UBE3D: variants seen among roughly 807,000 people sequenced by gnomAD.
UBE3D encodes the protein E3 ubiquitin-protein ligase E3D.
In UBE3D, 48 loss-of-function variants were observed where a neutral mutation model predicts 49.6. The ratio of observed to expected loss-of-function variants is 0.97; its 90% CI spans 0.77 to 1.23. The LOEUF is 1.23. Among genes scored for constraint, UBE3D ranks in the 50% most tolerant of loss-of-function variants. The probability of loss-of-function intolerance (pLI) is 0.00; values close to 1 mark genes in which losing one functional copy is unlikely to be tolerated. For missense variants in UBE3D, 452 were observed against 468.4 expected, an observed-to-expected ratio of 0.96 and a Z score of 0.32; for synonymous variants, 189 against 174.2, an observed-to-expected ratio of 1.08 and a Z score of -0.67.
At chr6:83,042,338 C>G (rs4612135) in intron 4 of UBE3D, among the ~76,000 whole-genome samples, 151,918 of 152,346 alleles carry the variant, frequency 1, 75,746 homozygotes, top group Middle Eastern at 1. Context: ...AATAACAAAG[C>G]CTCCAATAAA....
chr6:82,997,776 G>T (rs1019158106), intron 8 of UBE3D, among the ~76,000 whole-genome samples: 1 of 152,072 alleles, frequency 6.6e-6, no homozygotes, highest in African/African-American at 2.4e-5. Flanking sequence ...ACTTCCAGGG[G>T]CATATATAAA....
At chr6:82,888,240 T>C (rs1468822800), downstream of UBE3D, among the ~76,000 whole-genome samples, 1 of 151,534 alleles carries the variant, frequency 6.6e-6, no homozygotes, top group African/African-American at 2.4e-5. Context: ...AACCTCCATA[T>C]AGGCAATCTA....
In UBE3D at chr6:82,914,932, G is replaced by A. The variant is rs373684849; in HGVS notation, c.1150-21890C>T. Among the ~76,000 whole-genome samples, 12 of 152,066 alleles carry A rather than the reference G, an allele frequency of 7.9e-5. No homozygotes were observed. The East Asian group carries it at 1.9e-3, about 25-fold the overall frequency. On this transcript the variant is annotated intron_variant, in intron 9 of 9. Transcript: ENST00000369747. ...TGGAAATTACTTTTTCCATTTCCCT[G>A]GCTTCTCACAGGATGATCTTCATCC... is the stretch of plus-strand genomic sequence containing the variant.
At chr6:82,904,092 G>A (rs1301636687) in intron 9 of UBE3D, among the ~76,000 whole-genome samples, 1 of 152,122 alleles carries the variant, frequency 6.6e-6, no homozygotes, top group Non-Finnish European at 1.5e-5. Context: ...GGTGCAGAAA[G>A]GTGAATTCTA....
intron 1 of UBE3D, among the ~76,000 whole-genome samples, chr6:83,060,462 G>A (rs562711553): frequency 1.1e-3 from 160 of 152,268 alleles, no homozygotes; most frequent in African/African-American, 3.6e-3. Context: ...TAATATTGAT[G>A]GTTGTAAATG....
At chr6:82,980,675 T>A (rs1778053939) in intron 8 of UBE3D, among the ~76,000 whole-genome samples, 1 of 152,136 alleles carries the variant, frequency 6.6e-6, no homozygotes, top group Non-Finnish European at 1.5e-5. Context: ...GACTTTTTCC[T>A]AAGTTTTCTT....
At chr6:82,967,651 T>C (rs1777048005) in intron 8 of UBE3D, among the ~76,000 whole-genome samples, 1 of 152,158 alleles carries the variant, frequency 6.6e-6, no homozygotes, top group Non-Finnish European at 1.5e-5. Context: ...TTTTTTTCTT[T>C]TTTAAAAAGA....
intron 8 of UBE3D, among the ~76,000 whole-genome samples, chr6:82,967,782 GA>G (rs1777056153): frequency 6.6e-6 from 1 of 151,576 alleles, no homozygotes; most frequent in African/African-American, 2.4e-5. Context: ...GCTGATTCTA[GA>G]GGTGTGCACT....
intron 2 of UBE3D, 133 bp downstream of exon 2, chr6:83,057,693 T>G (rs866363489): frequency 3.7e-6 from 3 of 800,294 alleles, no homozygotes; most frequent in Middle Eastern, 5.1e-4. Flanking sequence ...AGCCAATAAC[T>G]GGCAGAGCTG....
chr6:82,985,158 T>C (rs2127724014), intron 8 of UBE3D, among the ~76,000 whole-genome samples: 1 of 151,808 alleles, frequency 6.6e-6, no homozygotes, highest in East Asian at 1.9e-4. Context: ...GGCCTCGTAG[T>C]TATTCCTTAT....
chr6:83,008,194 G>A (rs758486325), intron 8 of UBE3D, among the ~76,000 whole-genome samples: 1 of 152,040 alleles, frequency 6.6e-6, no homozygotes, highest in African/African-American at 2.4e-5. Context: ...TTTACTAGAC[G>A]CCAGTAGTTC....
chr6:82,889,037 T>G (rs1770936153), downstream of UBE3D, among the ~76,000 whole-genome samples: 2 of 152,212 alleles, frequency 1.3e-5, no homozygotes, highest in African/African-American at 4.8e-5. Flanking sequence ...GAGAAATGGT[T>G]ACATTAAATC....
intron 9 of UBE3D, among the ~76,000 whole-genome samples, chr6:82,918,396 T>C (rs1773087020): frequency 6.6e-6 from 1 of 152,116 alleles, no homozygotes; most frequent in South Asian, 2.1e-4. Context: ...TGACTTATTA[T>C]AAAGGTACAA....
At chr6:83,044,367 T>C in intron 4 of UBE3D, 61 bp downstream of exon 4, 6 of 1,510,614 alleles carry the variant, frequency 4.0e-6, no homozygotes, top group Non-Finnish European at 5.5e-6. Flanking sequence ...AGGAAAAGAT[T>C]GAAGAAGTCA....
intron 3 of UBE3D, among the ~76,000 whole-genome samples, chr6:83,049,304 C>G (rs1465952167): frequency 6.8e-6 from 1 of 146,214 alleles, no homozygotes; most frequent in African/African-American, 2.5e-5. Flanking sequence ...TTAGTAACAT[C>G]AACTATCTAA....
In UBE3D at chr6:82,969,004, T is replaced by C. The variant is rs184358583; in HGVS notation, c.1011-11554A>G. 1.3e-4 allele frequency among the ~76,000 whole-genome samples: 20 copies of C among 152,286 alleles called. No homozygotes were observed. The East Asian group carries it at 2.5e-3, about 19-fold the overall frequency. ...AAATCAAATTATAAATGGCAAAACA[T>C]ACAATTATCGCAATTGAAATCAGGA... On this transcript the variant is annotated intron_variant, in intron 8 of 9. Coordinates refer to ENST00000369747, the MANE Select transcript of UBE3D (RefSeq NM_198920.3).
At chr6:82,952,212 T>C (rs1228190176) in intron 9 of UBE3D, among the ~76,000 whole-genome samples, 1 of 152,074 alleles carries the variant, frequency 6.6e-6, no homozygotes, top group African/African-American at 2.4e-5. Context: ...TACTTCATGT[T>C]CCTCTACTTA....
At chr6:82,992,178 T>C (rs534018554) in intron 8 of UBE3D, among the ~76,000 whole-genome samples, 76 of 151,882 alleles carry the variant, frequency 5.0e-4, no homozygotes, top group African/African-American at 1.8e-3. Context: ...GATTTGTAGT[T>C]AGTCTGTACC....
At chr6:82,964,331 G>A (rs553984673) in intron 8 of UBE3D, among the ~76,000 whole-genome samples, 6 of 152,258 alleles carry the variant, frequency 3.9e-5, no homozygotes, top group African/African-American at 1.2e-4. Flanking sequence ...CATGGAGGTC[G>A]TTTAATGTAA....
Sources: gnomAD v4.1 joint callset for allele counts (sites outside exome capture counted in the v4.1 genomes callset) on GRCh38, gnomAD v4.1.1 for gene constraint, MANE v1.5 for transcripts, NCBI Gene and HGNC (gene_info 2026-07-23, HGNC 2026-07-21) for gene names.